TYW1B: variants seen among roughly 807,000 people sequenced by gnomAD.
The protein encoded by TYW1B is tRNA-yW synthesizing protein 1 homolog B.
Under a neutral mutation model 86.9 loss-of-function variants are expected in TYW1B, and 73 were observed. The observed-to-expected ratio is 0.84, with a 90% confidence interval of 0.70 to 1.02. The LOEUF is 1.02. TYW1B is among the 50% of genes least tolerant of loss of function. The pLI is 0.00. For synonymous variants in TYW1B, 248 were observed against 292.8 expected, an observed-to-expected ratio of 0.85 and a Z score of 1.56; for missense variants, 637 against 827.4, an observed-to-expected ratio of 0.77 and a Z score of 2.82.
At chr7:72,670,220 C>T (rs7812095) in intron 11 of TYW1B, among the ~76,000 whole-genome samples, 132,424 of 152,248 alleles carry the variant, frequency 0.87, 57,681 homozygotes, top group Middle Eastern at 0.88. Context: ...AGACTGAGTT[C>T]CACTCTTGTT....
chr7:72,715,272 A>G (rs1786756753), intron 9 of TYW1B, among the ~76,000 whole-genome samples: 1 of 152,064 alleles, frequency 6.6e-6, no homozygotes, highest in Non-Finnish European at 1.5e-5. Context: ...CTAGCTGGAC[A>G]CTGGGATTAC....
chr7:72,587,375 G>A (rs1395167438), intron 13 of TYW1B, among the ~76,000 whole-genome samples: 11 of 152,126 alleles, frequency 7.2e-5, no homozygotes, highest in South Asian at 2.1e-4. Context: ...GCGGGAGACC[G>A]GAGTTTTATG....
chr7:72,703,112 C>A (rs1170087910), intron 10 of TYW1B, among the ~76,000 whole-genome samples: 3 of 149,992 alleles, frequency 2.0e-5, no homozygotes, highest in Non-Finnish European at 4.4e-5. Context: ...GCAAGCTCTG[C>A]CTCCCGGGTT....
intron 11 of TYW1B, among the ~76,000 whole-genome samples, chr7:72,653,339 G>A (rs1813109340): frequency 6.6e-6 from 1 of 152,214 alleles, no homozygotes; most frequent in Non-Finnish European, 1.5e-5. Context: ...GGGCGCAGTG[G>A]CTCACGCCTG....
chr7:72,669,134 CTTTTTTTT>C (rs781821639), intron 11 of TYW1B, among the ~76,000 whole-genome samples: 14 of 81,554 alleles, frequency 1.7e-4, no homozygotes, highest in East Asian at 4.7e-4. Context: ...TAATTTTAAA[CTTTTTTTT>C]TTTTTTTTTT....
chr7:72,801,769 C>T (rs1788407160), intron 6 of TYW1B, among the ~76,000 whole-genome samples: 1 of 152,032 alleles, frequency 6.6e-6, no homozygotes. Context: ...TCCTGGATTC[C>T]TAGGGGCCCC....
intron 11 of TYW1B, among the ~76,000 whole-genome samples, chr7:72,633,176 T>A (rs762766479): frequency 6.6e-5 from 10 of 152,236 alleles, no homozygotes; most frequent in Non-Finnish European, 1.2e-4. Context: ...CACACCCCTT[T>A]ATTTGCATTG....
intron 2 of TYW1B, among the ~76,000 whole-genome samples, chr7:72,818,677 T>C (rs1262355794): frequency 6.6e-6 from 1 of 151,442 alleles, no homozygotes; most frequent in African/African-American, 2.4e-5. Flanking sequence ...CTGCAGACTG[T>C]ACAGGAAGTG....
chr7:72,808,529 C>CTT (rs66804350), intron 4 of TYW1B, among the ~76,000 whole-genome samples: 93,244 of 138,456 alleles, frequency 0.67, 32,344 homozygotes, highest in Middle Eastern at 0.77. Context: ...TTTTATTTTA[C>CTT]TTTTTTTTTT....
intron 11 of TYW1B, among the ~76,000 whole-genome samples, chr7:72,675,596 C>T (rs181589078): frequency 1.7e-3 from 251 of 148,480 alleles, no homozygotes; most frequent in Non-Finnish European, 2.9e-3. Flanking sequence ...TATATATATA[C>T]ACACACACAC....
chr7:72,586,212 T>C (rs1234506155), intron 13 of TYW1B, among the ~76,000 whole-genome samples: 3 of 152,294 alleles, frequency 2.0e-5, no homozygotes, highest in South Asian at 2.1e-4. Flanking sequence ...AGAGGGGTTA[T>C]AGACAGAGCT....
chr7:72,751,426 T>C (rs782133457), intron 7 of TYW1B, among the ~76,000 whole-genome samples: 9 of 152,222 alleles, frequency 5.9e-5, no homozygotes, highest in Non-Finnish European at 1.3e-4. Flanking sequence ...TCATCTCCAC[T>C]TGACTACTGA....
At position 72,632,593 on chromosome 7, in the gene TYW1B, A is replaced by G. The variant is rs558866054; in HGVS notation, c.1507-3596T>C. 4.6e-3 allele frequency among the ~76,000 whole-genome samples: 661 copies of G among 143,878 alleles called. 5 individuals are homozygous for G. Among genetic ancestry groups the G allele is most frequent in the African/African-American group, 0.016 (631 of 38,708 alleles). The allele number at this position is 143,878 out of a possible 152,430, so 94.4% of individuals were successfully genotyped here. ...TTCTAAGAGACCTAAACAAAAACCAATCTACATGGAGAGCCATGATGGATT... is the reference window on the plus strand; with the variant it reads ...TTCTAAGAGACCTAAACAAAAACCAGTCTACATGGAGAGCCATGATGGATT... On this transcript the variant is annotated intron_variant, in intron 11 of 13. Coordinates refer to ENST00000620995, the MANE Select transcript of TYW1B (RefSeq NM_001145440.3).
intron 11 of TYW1B, among the ~76,000 whole-genome samples, chr7:72,656,600 C>A (rs1813210681): frequency 6.6e-6 from 1 of 150,670 alleles, no homozygotes; most frequent in Non-Finnish European, 1.5e-5. Flanking sequence ...GGTGACAGAG[C>A]AACTCTGTCT....
intron 10 of TYW1B, among the ~76,000 whole-genome samples, chr7:72,707,135 A>C (rs1170383154): frequency 6.6e-6 from 1 of 152,220 alleles, no homozygotes; most frequent in Non-Finnish European, 1.5e-5. Flanking sequence ...TGTAGATCTG[A>C]GTGCCTTCTC....
At chr7:72,594,249 T>C (rs1212804023) in intron 13 of TYW1B, among the ~76,000 whole-genome samples, 1 of 150,736 alleles carries the variant, frequency 6.6e-6, no homozygotes, top group Non-Finnish European at 1.5e-5. Flanking sequence ...ATCAACAAAA[T>C]TGACAAACCT....
intron 7 of TYW1B, among the ~76,000 whole-genome samples, chr7:72,754,442 G>A (rs1554465645): frequency 6.8e-6 from 1 of 146,910 alleles, no homozygotes; most frequent in African/African-American, 2.5e-5. Context: ...CACTAGGCCT[G>A]TTTTTTTTGT....
intron 11 of TYW1B, among the ~76,000 whole-genome samples, chr7:72,632,367 G>GTATATATAATATATATA (rs1195035421): frequency 3.3e-5 from 2 of 60,476 alleles, no homozygotes; most frequent in East Asian, 1.0e-3. Flanking sequence ...ATATATATAC[G>GTATATATAATATATATA]CATATATATT....
intron 7 of TYW1B, among the ~76,000 whole-genome samples, chr7:72,747,214 T>C (rs782251948): frequency 9.2e-5 from 14 of 152,214 alleles, no homozygotes; most frequent in Non-Finnish European, 1.8e-4. Context: ...GGTGCCGGTC[T>C]TTCCTGTACT....
Sources: gnomAD v4.1 joint callset for allele counts (sites outside exome capture counted in the v4.1 genomes callset) on GRCh38, gnomAD v4.1.1 for gene constraint, MANE v1.5 for transcripts, NCBI Gene and HGNC (gene_info 2026-07-23, HGNC 2026-07-21) for gene names.